The following SLC30A5 variants were observed in gnomAD, a reference collection of about 807,000 sequenced individuals.
SLC30A5 encodes the protein proton-coupled zinc antiporter SLC30A5.
Under a neutral mutation model 79.6 loss-of-function variants are expected in SLC30A5, and 33 were observed. The observed-to-expected ratio is 0.41, with a 90% CI of 0.31 to 0.55. The LOEUF (loss-of-function observed/expected upper bound fraction) is 0.55, where lower values mean the gene tolerates loss of function less well. Ranked by LOEUF, SLC30A5 falls within the 20% of genes least tolerant of loss-of-function variation. SLC30A5 has a pLI of 0.20. For synonymous variants in SLC30A5, 299 were observed against 319.7 expected (o/e 0.94, Z 0.69); for missense variants, 788 against 928.1 (o/e 0.85, Z 1.96).
In SLC30A5 at chr5:69,123,442, C is replaced by A. The variant is rs1746590565; in HGVS notation, c.1998+17C>A. 3 of 1,566,476 alleles carry A rather than the reference C, an allele frequency of 1.9e-6. No homozygotes were observed. The East Asian group carries it at 6.7e-5, about 35-fold the overall frequency. On this transcript the variant is annotated intron_variant, in intron 14 of 15. Transcript: ENST00000396591. Reference sequence around the variant, plus strand: ...TTAGAAAAGGTACTGTATGTAATTTCTTCACTACTTTCTTCCTTGAAAATC... The same window carrying A: ...TTAGAAAAGGTACTGTATGTAATTTATTCACTACTTTCTTCCTTGAAAATC...
At chr5:69,113,060 T>C in intron 5 of SLC30A5, 80 bp from the exon 6 acceptor site, 1 of 1,114,820 alleles carries the variant, frequency 9.0e-7, no homozygotes, top group Non-Finnish European at 1.3e-6. Context: ...AAAATGTTTT[T>C]CTTTAGTATT....
chr5:69,114,463 A>G lies in SLC30A5; in HGVS notation c.579A>G (p.Thr193=), dbSNP rs1295094831. Residue 193 remains threonine (T), a synonymous_variant, in exon 7 of 16, where the codon ACA becomes ACG. Coordinates refer to ENST00000396591, the MANE Select transcript of SLC30A5 (RefSeq NM_022902.5). ...GTGCTCTAACTCATATGCTTTACAC[A>G]GCCATTGCCTTCTTAGGTGTGGCAG... ...HDSALTHMLY[T]AIAFLGVADH... is the part of the protein sequence containing the mutation. The G allele has an allele frequency of 1.2e-6, 2 of 1,609,740 alleles. No homozygotes were observed. The highest frequency in any genetic ancestry group is 1.1e-5 in the South Asian group (1 of 90,996).
intron 1 of SLC30A5, among the ~76,000 whole-genome samples, chr5:69,094,558 T>A (rs896223583): frequency 1.3e-5 from 2 of 152,016 alleles, no homozygotes; most frequent in African/African-American, 4.8e-5. Context: ...TCTGCTTGAA[T>A]TTCTGGGTTA....
intron 12 of SLC30A5, among the ~76,000 whole-genome samples, chr5:69,119,606 C>T (rs1177916418): frequency 6.6e-6 from 1 of 152,194 alleles, no homozygotes; most frequent in Admixed American, 6.5e-5. Flanking sequence ...TGGAAGCATA[C>T]ATGAGTAAAA....
chr5:69,120,297 T>C (rs985413278), intron 12 of SLC30A5, among the ~76,000 whole-genome samples: 9 of 151,716 alleles, frequency 5.9e-5, no homozygotes, highest in African/African-American at 2.2e-4. Context: ...GGTAGGAGAA[T>C]TGCTTGAACC....
intron 14 of SLC30A5, 85 bp downstream of exon 14, chr5:69,123,510 T>TAAA: frequency 1.9e-6 from 2 of 1,031,468 alleles, no homozygotes; most frequent in Non-Finnish European, 2.9e-6. Context: ...GACAACCAAA[T>TAAA]AAATAATAAA....
intron 2 of SLC30A5, among the ~76,000 whole-genome samples, chr5:69,101,152 T>C (rs1340282764): frequency 6.6e-6 from 1 of 152,220 alleles, no homozygotes; most frequent in Non-Finnish European, 1.5e-5. Flanking sequence ...ACACAAACTT[T>C]GATGAGATTT....
At chr5:69,102,916 G>A in intron 2 of SLC30A5, 146 bp from the exon 3 acceptor site, 1 of 383,786 alleles carries the variant, frequency 2.6e-6, no homozygotes, top group Non-Finnish European at 4.8e-6. Flanking sequence ...ACTAAAATAA[G>A]TATAATTAAT....
chr5:69,129,285 C>T (rs1746785624), intron 15 of SLC30A5, among the ~76,000 whole-genome samples, 162 bp from the exon 16 acceptor site: 1 of 152,148 alleles, frequency 6.6e-6, no homozygotes, highest in Admixed American at 6.6e-5. Flanking sequence ...TTCCTTTTAA[C>T]ACCATCTTGG....
Position 69,116,228 on chromosome 5 carries a change from C to T in SLC30A5, c.1072+14C>T, listed in dbSNP as rs368072849. ...TCTTCATTTTGTGTAAGCATTCCCC[C>T]CTTTTTTTTATTTTAACAAATTTCT... On this transcript the variant is annotated intron_variant, in intron 9 of 15. Transcript: ENST00000396591. The surrounding 1 kb of genome is among the most constrained non-coding windows in gnomAD (Gnocchi z 4.0). 1.2e-5 allele frequency: 19 copies of T among 1,554,530 alleles called. No individual in the cohort carries two copies. In the South Asian group the frequency reaches 2.1e-4, roughly 17 times the overall value.
In SLC30A5 at chr5:69,129,766, T is replaced by C. The variant is rs1203212318; in HGVS notation, c.*149T>C. 6 of 564,400 alleles carry C rather than the reference T, an allele frequency of 1.1e-5. No individual in the cohort carries two copies. The highest frequency in any genetic ancestry group is 1.4e-5 in the Non-Finnish European group (5 of 345,844). 35.0% of individuals were successfully genotyped at this position (564,400 alleles called of 1,614,324 possible). ...ATCAAGGAATCTTTCTTGAAGGAAA[T>C]TTAAATACAGAATGAAACATTAATG... On this transcript the variant is annotated 3_prime_UTR_variant, in exon 16 of 16. Transcript: ENST00000396591.
At chr5:69,111,398 A>G (rs1254263393) in intron 5 of SLC30A5, among the ~76,000 whole-genome samples, 10 of 147,426 alleles carry the variant, frequency 6.8e-5, no homozygotes, top group Non-Finnish European at 1.5e-4. Context: ...TCTGCTGCCC[A>G]GGTTCAAGCA....
chr5:69,119,368 A>T (rs1746474589), intron 12 of SLC30A5, among the ~76,000 whole-genome samples: 1 of 151,686 alleles, frequency 6.6e-6, no homozygotes, highest in Non-Finnish European at 1.5e-5. Flanking sequence ...TTCTCTCCAC[A>T]AAGTTTGTTA....
At chr5:69,117,098 G>T in intron 10 of SLC30A5, 141 bp from the exon 11 acceptor site, 1 of 598,574 alleles carries the variant, frequency 1.7e-6, no homozygotes, top group Non-Finnish European at 2.9e-6. Context: ...TGTGAAATAG[G>T]GTTTCTAATG....
intron 5 of SLC30A5, among the ~76,000 whole-genome samples, chr5:69,110,006 G>A (rs1274979052): frequency 2.0e-5 from 3 of 152,136 alleles, no homozygotes; most frequent in South Asian, 2.1e-4. Context: ...GAATCAACAC[G>A]CTTTGTGGGT....
At chr5:69,128,364 G>T (rs1237374143) in intron 15 of SLC30A5, among the ~76,000 whole-genome samples, 1 of 148,678 alleles carries the variant, frequency 6.7e-6, no homozygotes, top group East Asian at 2.0e-4. Context: ...CAGTCTCCCT[G>T]CCTCAGCCTC....
chr5:69,101,115 ATTG>A (rs1745904250), intron 2 of SLC30A5, among the ~76,000 whole-genome samples, 186 bp downstream of exon 2: 1 of 152,114 alleles, frequency 6.6e-6, no homozygotes. Flanking sequence ...AAGAAAACGG[ATTG>A]TTGTGCTCTA....
intron 14 of SLC30A5, among the ~76,000 whole-genome samples, chr5:69,125,641 C>T (rs532555068): frequency 6.6e-6 from 1 of 151,924 alleles, no homozygotes; most frequent in African/African-American, 2.4e-5. Context: ...TGAGACCATC[C>T]TGGCTAACAT....
chr5:69,103,050 C>G lies in SLC30A5; in HGVS notation c.207-12C>G, dbSNP rs1396014851. On this transcript the variant is annotated splice_polypyrimidine_tract_variant and intron_variant, in intron 2 of 15. Transcript: ENST00000396591. ...GATTAATATTAATATATTAATGTTT[C>G]AATATTTACAGGACTGCATTTTTTA... 7.3e-7 allele frequency: 1 copy of G among 1,374,398 alleles called. No individual in the cohort carries two copies. Among genetic ancestry groups the G allele is most frequent in the African/African-American group, 1.5e-5 (1 of 68,860 alleles). The allele number at this position is 1,374,398 out of a possible 1,614,324, so 85.1% of individuals were successfully genotyped here. A position where few individuals can be genotyped will look rare whatever the true frequency, so the allele number is the denominator to read the frequency against.
Sources: gnomAD v4.1 joint callset for allele counts (sites outside exome capture counted in the v4.1 genomes callset) on GRCh38, gnomAD v4.1.1 for gene constraint, Gnocchi (gnomAD v3.1) non-coding constraint, MANE v1.5 for transcripts, NCBI Gene and HGNC (gene_info 2026-07-23, HGNC 2026-07-21) for gene names.